MATN4: variants seen among roughly 807,000 people sequenced by gnomAD.
MATN4 encodes the protein matrilin 4.
A neutral mutation model predicts 54.6 loss-of-function variants in MATN4; 40 were observed. That is an observed-to-expected ratio of 0.73 (90% CI 0.57 to 0.95). MATN4 has a LOEUF of 0.95. Among genes scored for constraint, MATN4 ranks in the 40% least tolerant of loss-of-function variants. The probability of loss-of-function intolerance (pLI) is 0.00; values close to 1 mark genes in which losing one functional copy is unlikely to be tolerated. For synonymous variants in MATN4, 351 were observed against 345.3 expected (o/e 1.02, Z -0.18); for missense variants, 810 against 819.1 (o/e 0.99, Z 0.13).
At chr20:45,295,932 G>A (rs1277473252) in intron 8 of MATN4, among the ~76,000 whole-genome samples, 1 of 152,000 alleles carries the variant, frequency 6.6e-6, no homozygotes, top group African/African-American at 2.4e-5. Flanking sequence ...AGATTACAGG[G>A]AGGCCAGGTG....
intron 3 of MATN4, 22 bp downstream of exon 3, chr20:45,304,206 C>T: frequency 1.4e-6 from 2 of 1,475,850 alleles, no homozygotes; most frequent in Non-Finnish European, 1.8e-6. Context: ...TCGAGCTTCA[C>T]TCCAGCGCCC....
chr20:45,303,123 G>GAAAA (rs1378382721), intron 3 of MATN4, among the ~76,000 whole-genome samples: 1 of 143,382 alleles, frequency 7.0e-6, no homozygotes, highest in Admixed American at 7.0e-5. Context: ...GAAAAGAAAA[G>GAAAA]AAGAAAACAG....
At chr20:45,306,619 G>T (rs775906152) in intron 1 of MATN4, among the ~76,000 whole-genome samples, 1 of 152,354 alleles carries the variant, frequency 6.6e-6, no homozygotes, top group Admixed American at 6.5e-5. Flanking sequence ...GCGTGGCAGC[G>T]AGTGGACCAA....
In MATN4 at chr20:45,298,325, G is replaced by A; in HGVS notation, c.1271C>T (p.Thr424Ile). 2 of 1,613,640 alleles carry A rather than the reference G, an allele frequency of 1.2e-6. No homozygotes were observed. Among genetic ancestry groups the A allele is most frequent in the South Asian group, 1.1e-5 (1 of 91,074 alleles). The change falls in exon 7 of 10, where the codon ACA (threonine) becomes ATA (isoleucine). Residue 424 changes from threonine (T) to isoleucine (I), a missense_variant. Transcript: ENST00000372756. The surrounding 1 kb of genome is among the most constrained non-coding windows in gnomAD (Gnocchi z 4.6). The stretch of plus-strand genomic sequence containing the variant: ...CACCATGTGCCGCAACGCCAGCCCT[G>A]TCATGGTGCCGCGTTCCATGTACTC... The part of the protein sequence containing the change: ...AVEYMERGTM[T>I]GLALRHMVEH...
At chr20:45,301,253 T>C (rs941819828) in intron 4 of MATN4, 29 bp from the exon 5 acceptor site, 3 of 1,613,746 alleles carry the variant, frequency 1.9e-6, no homozygotes, top group Admixed American at 1.7e-5. Context: ...CAGCAAGATG[T>C]TGCCTCTGAT....
rs755359898 is a variant in MATN4, at chr20:45,304,734, C to T, written c.137G>A (p.Arg46His). The change falls in exon 3 of 10, where the codon CGC (arginine) becomes CAC (histidine). Residue 46 changes from arginine to histidine, a missense_variant. Coordinates refer to ENST00000372756, the MANE Select transcript of MATN4 (RefSeq NM_001393530.1). ...CCGCATGGTCTCGAACTCGAAAGGG[C>T]GCACGCTGCGGGAGCTGTCAATCAC... is the stretch of plus-strand genomic sequence containing the variant. ...VFVIDSSRSVRPFEFETMRQF... is the reference protein window; with the variant it reads ...VFVIDSSRSVHPFEFETMRQF... 1.9e-6 allele frequency: 3 copies of T among 1,609,924 alleles called. No homozygotes were observed. The highest frequency in any genetic ancestry group is 2.2e-5 in the East Asian group (1 of 44,720).
intron 1 of MATN4, among the ~76,000 whole-genome samples, chr20:45,306,641 C>A (rs1673172454): frequency 6.6e-6 from 1 of 152,260 alleles, no homozygotes; most frequent in Non-Finnish European, 1.5e-5. Context: ...ACCCACTGCG[C>A]ACGAGAACGC....
chr20:45,301,070 C>T, intron 5 of MATN4, 32 bp downstream of exon 5: 1 of 1,614,028 alleles, frequency 6.2e-7, no homozygotes, highest in South Asian at 1.1e-5. Flanking sequence ...GATCTCTTAC[C>T]CCTCCCACAA....
At position 45,298,378 on chromosome 20, in the gene MATN4, G is replaced by A. The variant is rs565712218; in HGVS notation, c.1218C>T (p.Ala406=). Residue 406 remains alanine (A), a synonymous_variant, in exon 7 of 10, where the codon GCC becomes GCT. Coordinates refer to ENST00000372756, the MANE Select transcript of MATN4 (RefSeq NM_001393530.1). The surrounding 1 kb of genome is among the most constrained non-coding windows in gnomAD (Gnocchi z 4.6). Reference sequence around the variant, plus strand: ...CGGCCAGGACCGCCTGCTTCACCTCGGCTGCGGTGCCGTAGCGACCCAGAG... The same window carrying A: ...CGGCCAGGACCGCCTGCTTCACCTCAGCTGCGGTGCCGTAGCGACCCAGAG... ...EFPLGRYGTA[A]EVKQAVLAVE... The A allele has an allele frequency of 2.4e-5, 39 of 1,612,458 alleles. No homozygotes were observed. Among genetic ancestry groups the A allele is most frequent in the South Asian group, 1.6e-4 (15 of 90,946 alleles).
chr20:45,305,258 G>T (rs951039983), intron 2 of MATN4, among the ~76,000 whole-genome samples: 14 of 152,124 alleles, frequency 9.2e-5, no homozygotes, highest in East Asian at 7.7e-4. Context: ...AAATTTCCTG[G>T]TTTTTTTCCA....
intron 1 of MATN4, among the ~76,000 whole-genome samples, chr20:45,307,782 A>C (rs951752362): frequency 7.2e-5 from 11 of 152,178 alleles, no homozygotes; most frequent in Non-Finnish European, 1.5e-4. Flanking sequence ...TGAAGGGTAC[A>C]TGGCGATGTC....
chr20:45,300,396 C>A (rs1225252622), intron 6 of MATN4, among the ~76,000 whole-genome samples: 2 of 152,072 alleles, frequency 1.3e-5, no homozygotes, highest in African/African-American at 4.8e-5. Flanking sequence ...TTTATCACAG[C>A]CCACAGTAAA....
chr20:45,305,172 G>A (rs1986518237), intron 2 of MATN4, among the ~76,000 whole-genome samples: 1 of 152,228 alleles, frequency 6.6e-6, no homozygotes, highest in Non-Finnish European at 1.5e-5. Flanking sequence ...ATCCAAATGA[G>A]GCCATGCCCC....
chr20:45,307,706 C>T (rs1986853568), intron 1 of MATN4, among the ~76,000 whole-genome samples: 1 of 152,204 alleles, frequency 6.6e-6, no homozygotes, highest in Non-Finnish European at 1.5e-5. Context: ...CCTCAAAGTT[C>T]ATCACCTTTC....
At position 45,298,198 on chromosome 20, in the gene MATN4, C is replaced by A. The variant is rs1012757907; in HGVS notation, c.1398G>T (p.Ser466=). Residue 466 remains serine, a synonymous_variant, in exon 7 of 10, where the codon TCG becomes TCT. Transcript: ENST00000372756. The surrounding 1 kb of genome is among the most constrained non-coding windows in gnomAD (Gnocchi z 4.6). The part of the protein sequence containing the change: ...FTDGRSQDDI[S]VWAARAKEEG... ...CCTCCTTGGCGCGCGCTGCCCACAC[C>A]GAGATGTCATCCTGGGAGCGGCCAT... 1 of 1,601,078 alleles carries A rather than the reference C, an allele frequency of 6.2e-7. No homozygotes were observed. The highest frequency in any genetic ancestry group is 1.1e-5 in the South Asian group (1 of 90,396).
Position 45,301,093 on chromosome 20 carries a change from C to T in MATN4, c.889+9G>A, listed in dbSNP as rs748931695. On this transcript the variant is annotated intron_variant, in intron 5 of 9. Coordinates refer to ENST00000372756, the MANE Select transcript of MATN4 (RefSeq NM_001393530.1). ...ACCCCTCCCACAAATGTAGGAGAGCCCTCCTCACCCTGACAGCTCCTCCCA... is the reference window on the plus strand; with the variant it reads ...ACCCCTCCCACAAATGTAGGAGAGCTCTCCTCACCCTGACAGCTCCTCCCA... The T allele has an allele frequency of 5.0e-6, 8 of 1,613,996 alleles. No individual in the cohort carries two copies. Among genetic ancestry groups the T allele is most frequent in the Non-Finnish European group, 6.8e-6 (8 of 1,180,008 alleles).
Position 45,301,344 on chromosome 20 carries a change from T to TG in MATN4, c.742dup (p.Gln248ProfsTer11), listed in dbSNP as rs1303512088. The TG allele has an allele frequency of 1.2e-6, 2 of 1,614,044 alleles. No homozygotes were observed. Among genetic ancestry groups the TG allele is most frequent in the South Asian group, 2.2e-5 (2 of 91,084 alleles). On this transcript the variant is annotated frameshift_variant, in exon 4 of 10. Transcript: ENST00000372756. LOFTEE classifies it high-confidence loss of function. ...ACCCCTGCAGCTCCTCTGGTCCTGC[T>TG]GGAGTACAAAGCCAACTTGGCAGTG...
At chr20:45,295,181 G>A (rs1985733232) in intron 8 of MATN4, among the ~76,000 whole-genome samples, 8 of 152,146 alleles carry the variant, frequency 5.3e-5, no homozygotes. Context: ...CACCATCATG[G>A]AAATATTGTC....
At chr20:45,300,677 A>T (rs1986163980) in intron 6 of MATN4, among the ~76,000 whole-genome samples, 1 of 152,342 alleles carries the variant, frequency 6.6e-6, no homozygotes, top group South Asian at 2.1e-4. Context: ...GTGATCAAAT[A>T]TGTATTTTTA....
Sources: gnomAD v4.1 joint callset for allele counts (sites outside exome capture counted in the v4.1 genomes callset) on GRCh38, gnomAD v4.1.1 for gene constraint, Gnocchi (gnomAD v3.1) non-coding constraint, MANE v1.5 for transcripts, NCBI Gene and HGNC (gene_info 2026-07-23, HGNC 2026-07-21) for gene names.